CPVL: variants seen among roughly 807,000 people sequenced by gnomAD.
The protein encoded by CPVL is probable serine carboxypeptidase CPVL.
In CPVL, 51 loss-of-function variants were observed where a neutral mutation model predicts 63.7. The observed-to-expected ratio is 0.80, with a 90% CI of 0.64 to 1.01. CPVL has a LOEUF of 1.01. Among genes scored for constraint, CPVL ranks in the 50% least tolerant of loss-of-function variants. The probability of loss-of-function intolerance (pLI) is 0.00; values close to 1 mark genes in which losing one functional copy is unlikely to be tolerated. For synonymous variants in CPVL, 195 were observed against 206.0 expected (o/e 0.95, Z 0.46); for missense variants, 530 against 573.1 (o/e 0.92, Z 0.77).
At chr7:28,996,725 A>G (rs73296136) in intron 12 of CPVL, among the ~76,000 whole-genome samples, 7,550 of 152,224 alleles carry the variant, frequency 0.05, 614 homozygotes, top group African/African-American at 0.17. Context: ...ATGAACTTTC[A>G]CTTTACTTGC....
intron 2 of CPVL, among the ~76,000 whole-genome samples, chr7:29,116,966 G>A (rs1223160188): frequency 6.6e-6 from 1 of 152,130 alleles, no homozygotes; most frequent in Non-Finnish European, 1.5e-5. Flanking sequence ...TAAACAAAAG[G>A]GATTTAGGGG....
intron 1 of CPVL, chr7:29,194,663 C>T (rs1267197384): frequency 8.7e-6 from 3 of 343,386 alleles, no homozygotes; most frequent in Non-Finnish European, 1.6e-5. Flanking sequence ...CCCGGCTGCC[C>T]CTCGGCCTCC....
intron 1 of CPVL, among the ~76,000 whole-genome samples, chr7:29,131,439 T>C (rs1444033551): frequency 6.6e-6 from 1 of 152,352 alleles, no homozygotes; most frequent in East Asian, 1.9e-4. Context: ...AACCACTCTA[T>C]AGGACTCGCT....
chr7:29,189,612 T>C (rs1385058706), intron 1 of CPVL, among the ~76,000 whole-genome samples: 1 of 152,116 alleles, frequency 6.6e-6, no homozygotes, highest in Non-Finnish European at 1.5e-5. Context: ...GAAGAAAACA[T>C]ATTCAATGAG....
At chr7:29,065,989 G>T (rs764606626) in intron 10 of CPVL, 34 bp downstream of exon 10, 1 of 1,341,758 alleles carries the variant, frequency 7.5e-7, no homozygotes, top group Admixed American at 2.0e-5. Context: ...AAAGTTTTAA[G>T]CAAACATTAT....
chr7:29,117,751 G>A (rs1788918226), intron 2 of CPVL, among the ~76,000 whole-genome samples: 1 of 152,298 alleles, frequency 6.6e-6, no homozygotes, highest in South Asian at 2.1e-4. Flanking sequence ...CATTAGGGTT[G>A]CTCTGAGAAC....
intron 3 of CPVL, among the ~76,000 whole-genome samples, chr7:29,101,745 G>A (rs1180060076): frequency 6.6e-6 from 1 of 151,712 alleles, no homozygotes; most frequent in African/African-American, 2.4e-5. Context: ...AGATGATCAT[G>A]GAGATGCTTA....
intron 1 of CPVL, 47 bp downstream of exon 1, chr7:29,146,382 C>G (rs992284971): frequency 1.4e-6 from 1 of 715,026 alleles, no homozygotes. Context: ...AGGCGAGGAC[C>G]TGTCCCGCTG....
intron 11 of CPVL, among the ~76,000 whole-genome samples, chr7:29,040,991 T>C (rs1789024492): frequency 6.6e-6 from 1 of 152,116 alleles, no homozygotes; most frequent in Non-Finnish European, 1.5e-5. Context: ...CTTGTCCTCT[T>C]GCTTGAATAT....
In CPVL at chr7:29,030,729, T is replaced by C. The variant is rs1337047468; in HGVS notation, c.1168A>G (p.Ile390Val). The C allele has an allele frequency of 6.2e-7, 1 of 1,612,124 alleles. No homozygotes were observed. Among genetic ancestry groups the C allele is most frequent in the Non-Finnish European group, 8.5e-7 (1 of 1,179,344 alleles). Residue 390 changes from isoleucine (I) to valine (V), a missense_variant, in exon 12 of 13, where the codon ATC becomes GTC. Physicochemically the swap from Ile to Val is conservative, Grantham distance 29 (BLOSUM62 3). Coordinates refer to ENST00000265394, the MANE Select transcript of CPVL (RefSeq NM_031311.5). ...VLIYNGQLDI[I>V]VAAALTERSL... is the part of the protein sequence containing the mutation. ...CGCTCTGTCAGGGCAGCTGCCACGA[T>C]GATGTCCAGTTGGCCATTGTAGATC... is the stretch of plus-strand genomic sequence containing the variant.
At chr7:29,013,897 T>C (rs1786114943) in intron 12 of CPVL, among the ~76,000 whole-genome samples, 2 of 152,232 alleles carry the variant, frequency 1.3e-5, no homozygotes, top group South Asian at 4.1e-4. Context: ...GCCTCACTAT[T>C]TTGGCCCAGT....
At chr7:29,128,398 T>G (rs920200309) in intron 1 of CPVL, among the ~76,000 whole-genome samples, 1 of 152,088 alleles carries the variant, frequency 6.6e-6, no homozygotes, top group African/African-American at 2.4e-5. Flanking sequence ...GTTTCCTGAG[T>G]GCTTCGCTTC....
At chr7:28,999,805 A>G (rs927928492) in intron 12 of CPVL, among the ~76,000 whole-genome samples, 5 of 152,238 alleles carry the variant, frequency 3.3e-5, no homozygotes, top group African/African-American at 4.8e-5. Flanking sequence ...TCCCAAACAA[A>G]GCATATTCTT....
At chr7:29,004,886 T>C (rs1008486338) in intron 12 of CPVL, among the ~76,000 whole-genome samples, 1 of 148,334 alleles carries the variant, frequency 6.7e-6, no homozygotes, top group Non-Finnish European at 1.5e-5. Context: ...ATATGTCTTT[T>C]TTTTCTTTTC....
intron 12 of CPVL, among the ~76,000 whole-genome samples, chr7:29,018,016 A>G (rs974792001): frequency 2.0e-5 from 3 of 152,242 alleles, no homozygotes; most frequent in African/African-American, 7.2e-5. Flanking sequence ...GAGATAATCC[A>G]TCTTGTAGTT....
intron 1 of CPVL, among the ~76,000 whole-genome samples, chr7:29,123,829 G>A (rs1000232343): frequency 2.0e-5 from 3 of 150,704 alleles, no homozygotes; most frequent in Admixed American, 6.6e-5. Flanking sequence ...AATAACCAGG[G>A]TAGTTACAGC....
chr7:29,094,534 G>A (rs961633494), intron 5 of CPVL, among the ~76,000 whole-genome samples: 2 of 151,954 alleles, frequency 1.3e-5, no homozygotes, highest in African/African-American at 2.4e-5. Context: ...CAGTGAACAG[G>A]ACATCTCATA....
At chr7:29,187,480 T>C (rs2128750334) in intron 1 of CPVL, among the ~76,000 whole-genome samples, 1 of 152,178 alleles carries the variant, frequency 6.6e-6, no homozygotes, top group East Asian at 1.9e-4. Flanking sequence ...TCCCAGCACT[T>C]TGGGAGGCCG....
At chr7:29,119,805 G>T (rs1363843978) in intron 2 of CPVL, among the ~76,000 whole-genome samples, 1 of 152,186 alleles carries the variant, frequency 6.6e-6, no homozygotes, top group East Asian at 1.9e-4. Context: ...GTGAGGCTGA[G>T]TATGAAGCCT....
Sources: gnomAD v4.1 joint callset for allele counts (sites outside exome capture counted in the v4.1 genomes callset) on GRCh38, gnomAD v4.1.1 for gene constraint, MANE v1.5 for transcripts, NCBI Gene and HGNC (gene_info 2026-07-23, HGNC 2026-07-21) for gene names.